Variants in PEX19 observed in about 807,000 individuals in gnomAD.
PEX19 encodes peroxisomal biogenesis factor 19, also known as 33 kDa housekeeping protein.
Under a neutral mutation model 36.3 loss-of-function variants are expected in PEX19, and 29 were observed. That is an observed-to-expected ratio of 0.80 (90% confidence interval 0.60 to 1.09). The LOEUF is 1.09. Among genes scored for constraint, PEX19 ranks in the 50% least tolerant of loss-of-function variants. The pLI, the probability that PEX19 is intolerant of heterozygous loss-of-function variation, is 0.00. For missense variants in PEX19, 396 were observed against 368.1 expected, an observed-to-expected ratio of 1.08 and a Z score of -0.62; for synonymous variants, 141 against 135.2, an observed-to-expected ratio of 1.04 and a Z score of -0.30.
In PEX19 at chr1:160,285,090, G is replaced by A. The variant is rs769235895; in HGVS notation, c.35C>T (p.Ala12Val). Reference sequence around the variant, plus strand: ...CTCCTCCAATTCCCTGTCCGCTTCGGCCCCGACACTACAGCCTTCCTCAGC... The same window carrying A: ...CTCCTCCAATTCCCTGTCCGCTTCGACCCCGACACTACAGCCTTCCTCAGC... ...AAAEEGCSVG[A>V]EADRELEELL... The change falls in exon 1 of 8, where the codon GCC becomes GTC. Residue 12 changes from alanine to valine, a missense_variant. Ala to Val is a moderately conservative substitution (Grantham distance 64). Coordinates refer to ENST00000368072, the MANE Select transcript of PEX19 (RefSeq NM_002857.4). 1 of 1,613,880 alleles carries A rather than the reference G, an allele frequency of 6.2e-7. No homozygotes were observed. The highest frequency in any genetic ancestry group is 1.1e-5 in the South Asian group (1 of 91,082).
rs1275868862 is a variant in PEX19, at chr1:160,282,994, G to C, written c.296C>G (p.Pro99Arg). 7 of 1,614,078 alleles carry C rather than the reference G, an allele frequency of 4.3e-6. No homozygotes were observed. The highest frequency in any genetic ancestry group is 5.9e-6 in the Non-Finnish European group (7 of 1,180,038). ...KAMKELAEEE[P>R]HLVEQFQKLS... ...CTTTTGGAACTGCTCCACCAGGTGG[G>C]GTTCTTCCTCAGCCAACTCCTTCAT... Residue 99 changes from proline (P) to arginine (R), a missense_variant, in exon 3 of 8, where the codon CCC becomes CGC. Transcript: ENST00000368072.
Position 160,280,069 on chromosome 1 carries a change from C to A in PEX19, c.771+1G>T. Reference sequence around the variant, plus strand: ...AGTGGGCAGAAGGCAAGAGGCCTTACCTGCTGCATAAGATCCAGCACCATC... The same window carrying A: ...AGTGGGCAGAAGGCAAGAGGCCTTAACTGCTGCATAAGATCCAGCACCATC... On this transcript the variant is annotated splice_donor_variant, in intron 6 of 7. Transcript: ENST00000368072. LOFTEE classifies it high-confidence loss of function. 1 of 1,613,082 alleles carries A rather than the reference C, an allele frequency of 6.2e-7. No individual in the cohort carries two copies. Among genetic ancestry groups the A allele is most frequent in the Non-Finnish European group, 8.5e-7 (1 of 1,179,084 alleles).
chr1:160,284,442 C>T (rs1557855947), intron 1 of PEX19, among the ~76,000 whole-genome samples: 1 of 152,136 alleles, frequency 6.6e-6, no homozygotes, highest in Non-Finnish European at 1.5e-5. Context: ...GAGAGTAATG[C>T]TAAGAAAACA....
Position 160,282,930 on chromosome 1 carries a change from T to C in PEX19, c.346+14A>G, listed in dbSNP as rs77156017. On this transcript the variant is annotated intron_variant, in intron 3 of 7. Transcript: ENST00000368072. The stretch of plus-strand genomic sequence containing the variant: ...GTCTGTTCAGATATTTCCATGTATC[T>C]GGGGTCTCCTCACCCACTCTCCCTG... 2,894 of 1,613,460 alleles carry C rather than the reference T, an allele frequency of 1.8e-3. 43 individuals are homozygous for C. In the East Asian group the frequency reaches 0.038, roughly 21 times the overall value.
chr1:160,280,226 A>C lies in PEX19; in HGVS notation c.615T>G (p.Ser205Arg). Residue 205 changes from serine (S) to arginine (R), a missense_variant, in exon 6 of 8, where the codon AGT becomes AGG. By Grantham distance (110) the Ser-to-Arg change is moderately radical. Coordinates refer to ENST00000368072, the MANE Select transcript of PEX19 (RefSeq NM_002857.4). ...GCTCTGGAGGTAGAGATTCCCGATG[A>C]CTCTGCAACCATTCTGGATACTAAG... Reference protein sequence around the residue: ...ITEKYPEWLQSHRESLPPEQF... With the variant: ...ITEKYPEWLQRHRESLPPEQF... 1 of 1,613,994 alleles carries C rather than the reference A, an allele frequency of 6.2e-7. No homozygotes were observed. The highest frequency in any genetic ancestry group is 8.5e-7 in the Non-Finnish European group (1 of 1,179,888).
intron 5 of PEX19, chr1:160,281,255 G>GAGCC (rs1657760590): frequency 2.6e-5 from 4 of 152,340 alleles, no homozygotes; most frequent in Admixed American, 2.6e-4. Flanking sequence ...AGGCTGTGGT[G>GAGCC]AGCCAAGATC....
rs1479269412 is a variant in PEX19, at chr1:160,280,182, T to C, written c.659A>G (p.Glu220Gly). Residue 220 changes from glutamate (E) to glycine (G), a missense_variant, in exon 6 of 8, where the codon GAG (glutamate) becomes GGG (glycine). Glu to Gly is a moderately conservative substitution (Grantham distance 98). Coordinates refer to ENST00000368072, the MANE Select transcript of PEX19 (RefSeq NM_002857.4). ...LPPEQFEKYQ[E>G]QHSVMCKICE... ...TATTTTGCACATGACGCTGTGCTGC[T>C]CCTGATATTTTTCAAACTGCTCTGG... 2 of 1,613,734 alleles carry C rather than the reference T, an allele frequency of 1.2e-6. No homozygotes were observed. Among genetic ancestry groups the C allele is most frequent in the Non-Finnish European group, 1.7e-6 (2 of 1,179,722 alleles).
rs927984807 is a variant in PEX19, at chr1:160,279,265, C to T, written c.*286G>A. On this transcript the variant is annotated 3_prime_UTR_variant, in exon 8 of 8. Transcript: ENST00000368072. Reference sequence around the variant, plus strand: ...TTATTTTGAGAAAGGAAAGAAAGTGCATGCCCCAAAAGGGATGCCTTCCTT... The same window carrying T: ...TTATTTTGAGAAAGGAAAGAAAGTGTATGCCCCAAAAGGGATGCCTTCCTT... 6.8e-5 allele frequency: 41 copies of T among 600,604 alleles called. No individual in the cohort carries two copies. In the African/African-American group the frequency reaches 6.9e-4, roughly 10 times the overall value. The allele number at this position is 600,604 out of a possible 1,614,324, so 37.2% of individuals were successfully genotyped here. A position where few individuals can be genotyped will look rare whatever the true frequency, so the allele number is the denominator to read the frequency against.
In PEX19 at chr1:160,277,384, A is replaced by G. The variant is rs1199225267; in HGVS notation, c.*2167T>C. On this transcript the variant is annotated 3_prime_UTR_variant, in exon 8 of 8. Transcript: ENST00000368072. The stretch of plus-strand genomic sequence containing the variant: ...GTCGGCAGCACACAGTGTGAACTCC[A>G]TACCTGTCATGGGCAATAGGAATGC... 8.8e-6 allele frequency: 4 copies of G among 456,016 alleles called. No homozygotes were observed. The highest frequency in any genetic ancestry group is 1.8e-5 in the Non-Finnish European group (4 of 226,816). The allele number at this position is 456,016 out of a possible 1,614,324, so 28.2% of individuals were successfully genotyped here.
chr1:160,284,228 A>C (rs1390565944), intron 1 of PEX19: 1 of 469,186 alleles, frequency 2.1e-6, no homozygotes, highest in African/African-American at 2.0e-5. Context: ...ATCTCTGCAG[A>C]TAACCGTACA....
At chr1:160,282,589 T>G (rs1657819026) in intron 3 of PEX19, 87 bp from the exon 4 acceptor site, 2 of 973,356 alleles carry the variant, frequency 2.1e-6, no homozygotes, top group East Asian at 4.8e-5. Flanking sequence ...TATGAAGCAT[T>G]TACTAGTGAA....
chr1:160,278,907 G>C lies in PEX19; in HGVS notation c.*644C>G, dbSNP rs940779496. The C allele has an allele frequency of 8.8e-6, 4 of 453,940 alleles. No individual in the cohort carries two copies. The highest frequency in any genetic ancestry group is 6.8e-4 in the Middle Eastern group (1 of 1,464). 28.1% of individuals were successfully genotyped at this position (453,940 alleles called of 1,614,324 possible). The stretch of plus-strand genomic sequence containing the variant: ...GTAGGAAGAAGCAGGGTAACCATTT[G>C]AGTTCTCAGCCTGGAACAGGGAGGT... On this transcript the variant is annotated 3_prime_UTR_variant, in exon 8 of 8. Coordinates refer to ENST00000368072, the MANE Select transcript of PEX19 (RefSeq NM_002857.4).
chr1:160,282,827 C>T (rs1657832665), intron 3 of PEX19, 117 bp downstream of exon 3: 7 of 1,103,670 alleles, frequency 6.3e-6, no homozygotes, highest in African/African-American at 1.5e-5. Flanking sequence ...TGCCTTTACC[C>T]GTTCCTTGGC....
chr1:160,283,695 G>C, intron 1 of PEX19, 56 bp from the exon 2 acceptor site: 1 of 1,357,098 alleles, frequency 7.4e-7, no homozygotes, highest in Non-Finnish European at 1.1e-6. Flanking sequence ...ATGCAAGCAA[G>C]GCTGGGTGGT....
At chr1:160,279,941 T>G in intron 6 of PEX19, 96 bp from the exon 7 acceptor site, 1 of 1,371,824 alleles carries the variant, frequency 7.3e-7, no homozygotes, top group Non-Finnish European at 1.0e-6. Context: ...TCTCTATTTC[T>G]TCTGAGAGAG....
intron 1 of PEX19, 108 bp downstream of exon 1, chr1:160,284,947 C>A (rs1415956950): frequency 2.2e-6 from 2 of 899,012 alleles, no homozygotes; most frequent in Non-Finnish European, 3.8e-6. Context: ...CCCCATTTAA[C>A]CTTTGGAGAG....
At chr1:160,281,626 G>T (rs1401017290) in intron 5 of PEX19, among the ~76,000 whole-genome samples, 1 of 151,958 alleles carries the variant, frequency 6.6e-6, no homozygotes, top group Non-Finnish European at 1.5e-5. Context: ...GGCTGGTCTC[G>T]AACTCCTGAC....
intron 5 of PEX19, 90 bp from the exon 6 acceptor site, chr1:160,280,336 A>G: frequency 7.8e-7 from 1 of 1,287,442 alleles, no homozygotes; most frequent in Non-Finnish European, 1.1e-6. Flanking sequence ...TGTGAAAGGG[A>G]AAGGGACGTA....
intron 5 of PEX19, among the ~76,000 whole-genome samples, chr1:160,281,561 A>G (rs574170482): frequency 6.6e-6 from 1 of 152,302 alleles, no homozygotes; most frequent in African/African-American, 2.4e-5. Flanking sequence ...GTGAGCCACT[A>G]CGCCAGGATA....
Sources: gnomAD v4.1 joint callset for allele counts (sites outside exome capture counted in the v4.1 genomes callset) on GRCh38, gnomAD v4.1.1 for gene constraint, MANE v1.5 for transcripts, NCBI Gene and HGNC (gene_info 2026-07-23, HGNC 2026-07-21) for gene names.